Variants in MBD5 observed in about 807,000 individuals in gnomAD.
The protein encoded by MBD5 is methyl-CpG-binding domain protein 5.
A neutral mutation model predicts 117.3 loss-of-function variants in MBD5; 13 were observed. The observed-to-expected ratio is 0.11, with a 90% CI of 0.07 to 0.18. MBD5 has a LOEUF of 0.18. Ranked by LOEUF, MBD5 falls within the 10% of genes least tolerant of loss-of-function variation. The pLI is 1.00. For synonymous variants in MBD5, 727 were observed against 766.4 expected (o/e 0.95, Z 0.85); for missense variants, 1,879 against 2,093.8 (o/e 0.90, Z 2.00).
intron 4 of MBD5, among the ~76,000 whole-genome samples, chr2:148,344,296 A>G (rs1283915561): frequency 6.6e-6 from 1 of 151,904 alleles, no homozygotes; most frequent in African/African-American, 2.4e-5. Context: ...TTGTCTCTTC[A>G]GGCTCTTTTT....
intron 4 of MBD5, among the ~76,000 whole-genome samples, chr2:148,371,206 A>G (rs1703842739): frequency 6.6e-6 from 1 of 152,148 alleles, no homozygotes; most frequent in African/African-American, 2.4e-5. Flanking sequence ...AAACATGTTA[A>G]TACTCTTGCC....
intron 3 of MBD5, among the ~76,000 whole-genome samples, chr2:148,314,353 G>A (rs1245346483): frequency 6.9e-6 from 1 of 145,648 alleles, no homozygotes; most frequent in Non-Finnish European, 1.5e-5. Context: ...CTTATGTTCA[G>A]CAATTAATGT....
chr2:148,448,486 C>T (rs941701768), intron 4 of MBD5, among the ~76,000 whole-genome samples: 4 of 151,760 alleles, frequency 2.6e-5, no homozygotes, highest in African/African-American at 9.7e-5. Flanking sequence ...TACTAGGGTA[C>T]TAGCAGAGTA....
At chr2:148,423,324 A>C (rs1014847975) in intron 4 of MBD5, among the ~76,000 whole-genome samples, 13 of 152,172 alleles carry the variant, frequency 8.5e-5, no homozygotes, top group Non-Finnish European at 1.9e-4. Flanking sequence ...AAAGGCTAAA[A>C]TATTTAATTA....
chr2:148,289,342 T>G (rs1701444421), intron 3 of MBD5, among the ~76,000 whole-genome samples: 1 of 152,192 alleles, frequency 6.6e-6, no homozygotes, highest in Non-Finnish European at 1.5e-5. Context: ...GAGTGGAATT[T>G]TAGATTCATG....
intron 4 of MBD5, among the ~76,000 whole-genome samples, chr2:148,399,307 T>C (rs1704839783): frequency 6.6e-6 from 1 of 152,212 alleles, no homozygotes; most frequent in African/African-American, 2.4e-5. Flanking sequence ...CTTCCATGTG[T>C]TTGTATCCTC....
At chr2:148,121,730 A>T (rs934675424) in intron 1 of MBD5, among the ~76,000 whole-genome samples, 2 of 152,132 alleles carry the variant, frequency 1.3e-5, no homozygotes, top group African/African-American at 4.8e-5. Context: ...AATGGATATG[A>T]AAAGCAACAC....
chr2:148,425,882 T>C (rs1705765136), intron 4 of MBD5, among the ~76,000 whole-genome samples: 1 of 152,236 alleles, frequency 6.6e-6, no homozygotes, highest in Non-Finnish European at 1.5e-5. Context: ...TGATGGAATG[T>C]ATTTCAAAAT....
chr2:148,197,807 T>TG lies in MBD5; in HGVS notation c.-831+19014_-831+19015insG, dbSNP rs1166240068. On this transcript the variant is annotated intron_variant, in intron 2 of 13. Coordinates refer to ENST00000642680, the MANE Select transcript of MBD5 (RefSeq NM_001378120.1). Reference sequence around the variant, plus strand: ...ATAGCATCTGAGGTTTTTTTTTTTGTTTTTTTTTTTGTTTTTTTTTTTTGA... The same window carrying TG: ...ATAGCATCTGAGGTTTTTTTTTTTGTGTTTTTTTTTTGTTTTTTTTTTTTGA... 2.5e-3 allele frequency among the ~76,000 whole-genome samples: 258 copies of TG among 102,348 alleles called. 2 individuals are homozygous for TG. The highest frequency in any genetic ancestry group is 9.3e-3 in the East Asian group (33 of 3,562). The allele number at this position is 102,348 out of a possible 152,430, so 67.1% of individuals were successfully genotyped here. A position where few individuals can be genotyped will look rare whatever the true frequency, so the allele number is the denominator to read the frequency against.
chr2:148,147,531 TG>T (rs1218940796), intron 1 of MBD5, among the ~76,000 whole-genome samples: 2 of 152,276 alleles, frequency 1.3e-5, no homozygotes, highest in Non-Finnish European at 1.5e-5. Flanking sequence ...TGAGTCACCA[TG>T]CCCAGCCCCA....
chr2:148,507,925 A>G (rs1411491495), intron 12 of MBD5, among the ~76,000 whole-genome samples: 1 of 151,958 alleles, frequency 6.6e-6, no homozygotes, highest in Non-Finnish European at 1.5e-5. Context: ...TCAATTTTAA[A>G]CTCCTAAGAT....
chr2:148,375,910 A>G (rs1703973169), intron 4 of MBD5, among the ~76,000 whole-genome samples: 1 of 152,014 alleles, frequency 6.6e-6, no homozygotes, highest in Non-Finnish European at 1.5e-5. Flanking sequence ...ACTTGAGTGA[A>G]AGGGAGAAGC....
In MBD5 at chr2:148,483,326, A is replaced by T; in HGVS notation, c.2735A>T (p.His912Leu). Residue 912 changes from histidine (H) to leucine (L), a missense_variant, in exon 9 of 14, where the codon CAC (histidine) becomes CTC (leucine). Physicochemically the swap from His to Leu is moderately conservative, Grantham distance 99 (BLOSUM62 -3). Around this residue, in one of 4 missense-constraint regions of MBD5, gnomAD observed 1,666 missense variants for 1,792.2 expected, o/e 0.93. Transcript: ENST00000642680. ...AGCACTTCAAACAACCATCTTCCAC[A>T]CCCCTTGAACCCCAGCCTCCTCAGT... ...SNSTSNNHLP[H>L]PLNPSLLSSL... The T allele has an allele frequency of 1.2e-6, 2 of 1,613,490 alleles. No homozygotes were observed. Among genetic ancestry groups the T allele is most frequent in the Non-Finnish European group, 1.7e-6 (2 of 1,179,902 alleles).
chr2:148,247,586 G>A (rs951307863), intron 3 of MBD5, among the ~76,000 whole-genome samples: 4 of 152,062 alleles, frequency 2.6e-5, no homozygotes, highest in Non-Finnish European at 2.9e-5. Context: ...GTATTGAGTG[G>A]TGGTATACAG....
At chr2:148,304,605 T>C (rs191689448) in intron 3 of MBD5, among the ~76,000 whole-genome samples, 109 of 152,272 alleles carry the variant, frequency 7.2e-4, no homozygotes, top group African/African-American at 2.2e-3. Flanking sequence ...GACTACTGCA[T>C]TGGGGACTGC....
chr2:148,397,582 G>A (rs1039758153), intron 4 of MBD5, among the ~76,000 whole-genome samples: 1 of 152,128 alleles, frequency 6.6e-6, no homozygotes, highest in Non-Finnish European at 1.5e-5. Flanking sequence ...ACCCGCCTCG[G>A]CCTCCCAAAG....
intron 11 of MBD5, among the ~76,000 whole-genome samples, chr2:148,493,305 T>A (rs1681587411): frequency 6.6e-6 from 1 of 152,186 alleles, no homozygotes; most frequent in African/African-American, 2.4e-5. Flanking sequence ...CACCAAAGAA[T>A]CCAAGATTCT....
intron 4 of MBD5, among the ~76,000 whole-genome samples, chr2:148,395,420 A>C (rs1278766566): frequency 1.4e-5 from 2 of 138,470 alleles, no homozygotes; most frequent in African/African-American, 2.6e-5. Flanking sequence ...CATTGGCCCA[A>C]CTCATCTTTT....
intron 2 of MBD5, among the ~76,000 whole-genome samples, chr2:148,227,124 C>G (rs1444697798): frequency 3.9e-5 from 6 of 152,164 alleles, no homozygotes; most frequent in Non-Finnish European, 7.3e-5. Context: ...TTAATTAGAT[C>G]CCATTTGTCA....
Sources: allele counts gnomAD v4.1 joint callset (sites outside exome capture counted in the v4.1 genomes callset), GRCh38; gene constraint gnomAD v4.1.1; regional missense constraint gnomAD v4.1.1; transcripts MANE v1.5; gene names NCBI Gene and HGNC (gene_info 2026-07-23, HGNC 2026-07-21).